The following GPC5 variants were observed in gnomAD, a reference collection of about 807,000 sequenced individuals.
GPC5 encodes the protein glypican 5, also known as glypican-5.
In GPC5, 47 loss-of-function variants were observed where a neutral mutation model predicts 53.9. The observed-to-expected ratio is 0.87, with a 90% CI of 0.69 to 1.11. The LOEUF is 1.11. GPC5 is among the 50% of genes most tolerant of loss of function. The pLI is 0.00. For synonymous variants in GPC5, 286 were observed against 263.3 expected (o/e 1.09, Z -0.84); for missense variants, 748 against 713.1 (o/e 1.05, Z -0.56).
intron 5 of GPC5, among the ~76,000 whole-genome samples, chr13:91,814,895 G>T (rs1199958158): frequency 2.0e-5 from 3 of 152,060 alleles, no homozygotes; most frequent in Non-Finnish European, 4.4e-5. Context: ...AAACACCTAT[G>T]GTTCAGTTTC....
At chr13:92,210,491 A>G (rs1188360311) in intron 7 of GPC5, among the ~76,000 whole-genome samples, 1 of 152,174 alleles carries the variant, frequency 6.6e-6, no homozygotes, top group African/African-American at 2.4e-5. Flanking sequence ...TAACGTTATC[A>G]CTAGACTTCC....
intron 7 of GPC5, among the ~76,000 whole-genome samples, chr13:92,554,793 T>G (rs2139020677): frequency 6.6e-6 from 1 of 151,232 alleles, no homozygotes; most frequent in South Asian, 2.1e-4. Context: ...AAGATATATT[T>G]GATAACATTC....
chr13:91,885,894 T>C (rs1594640696), intron 5 of GPC5, among the ~76,000 whole-genome samples: 1 of 152,194 alleles, frequency 6.6e-6, no homozygotes, highest in East Asian at 1.9e-4. Flanking sequence ...AAGTCATATA[T>C]TTTTAAATAT....
intron 7 of GPC5, among the ~76,000 whole-genome samples, chr13:92,759,919 A>C (rs1218015119): frequency 6.6e-6 from 1 of 152,106 alleles, no homozygotes; most frequent in Non-Finnish European, 1.5e-5. Context: ...AGTTTTTATC[A>C]AGAAAGGATG....
intron 7 of GPC5, among the ~76,000 whole-genome samples, chr13:92,510,894 G>C (rs902163865): frequency 1.4e-4 from 21 of 152,348 alleles, no homozygotes; most frequent in Admixed American, 1.4e-3. Context: ...CTTGTCTGAG[G>C]CTCAGTTCAC....
intron 3 of GPC5, among the ~76,000 whole-genome samples, chr13:91,721,908 T>G (rs567490146): frequency 1.3e-5 from 2 of 152,292 alleles, no homozygotes; most frequent in African/African-American, 4.8e-5. Context: ...CTAAATAACA[T>G]TCATCAAGAC....
chr13:92,527,230 AAAG>A (rs1881374482), intron 7 of GPC5, among the ~76,000 whole-genome samples: 2 of 40,004 alleles, frequency 5.0e-5, no homozygotes, highest in Non-Finnish European at 8.3e-5. Flanking sequence ...AGAAAGAAAG[AAAG>A]AAAGAAAGAA....
chr13:91,801,566 TG>T (rs905294110), intron 5 of GPC5, among the ~76,000 whole-genome samples: 6 of 152,188 alleles, frequency 3.9e-5, no homozygotes, highest in Non-Finnish European at 1.5e-5. Flanking sequence ...ATCAAATTGA[TG>T]GTCCACCAAC....
chr13:91,585,533 A>C (rs1186254435), intron 2 of GPC5, among the ~76,000 whole-genome samples: 1 of 152,214 alleles, frequency 6.6e-6, no homozygotes, highest in Non-Finnish European at 1.5e-5. Context: ...AAAAGGAATG[A>C]GGTATACTGT....
chr13:92,638,538 A>T (rs1362019765), intron 7 of GPC5, among the ~76,000 whole-genome samples: 1 of 149,060 alleles, frequency 6.7e-6, no homozygotes, highest in Non-Finnish European at 1.5e-5. Context: ...CCCCATCCCA[A>T]GTCAGCTTCC....
intron 6 of GPC5, among the ~76,000 whole-genome samples, chr13:91,978,033 G>A (rs1297312246): frequency 2.0e-5 from 3 of 152,008 alleles, no homozygotes; most frequent in Non-Finnish European, 4.4e-5. Flanking sequence ...TACACTTGTA[G>A]TCCCAGCTAC....
intron 2 of GPC5, among the ~76,000 whole-genome samples, chr13:91,517,096 AT>A (rs1885546326): frequency 6.6e-6 from 1 of 152,030 alleles, no homozygotes; most frequent in South Asian, 2.1e-4. Context: ...GCCTGGAGAC[AT>A]TTTCCCCATG....
intron 2 of GPC5, among the ~76,000 whole-genome samples, chr13:91,497,501 C>T (rs2139279988): frequency 6.6e-6 from 1 of 152,290 alleles, no homozygotes; most frequent in Middle Eastern, 3.4e-3. Flanking sequence ...CTTCATGCCT[C>T]CCAAGTCACT....
intron 7 of GPC5, among the ~76,000 whole-genome samples, chr13:92,781,471 T>A (rs1370822530): frequency 1.3e-5 from 2 of 152,144 alleles, no homozygotes; most frequent in East Asian, 3.9e-4. Context: ...GAAAATAGTA[T>A]AATTTCAAAT....
intron 7 of GPC5, among the ~76,000 whole-genome samples, chr13:92,303,050 C>T (rs1246909231): frequency 6.6e-6 from 1 of 152,116 alleles, no homozygotes; most frequent in Non-Finnish European, 1.5e-5. Flanking sequence ...GTAACTAACT[C>T]CTCTATTTTC....
At chr13:92,325,839 C>T (rs935347607) in intron 7 of GPC5, among the ~76,000 whole-genome samples, 4 of 151,914 alleles carry the variant, frequency 2.6e-5, no homozygotes, top group African/African-American at 9.7e-5. Flanking sequence ...TTCCTATGAA[C>T]GAGGCATGGC....
chr13:92,757,222 G>T (rs1264324075), intron 7 of GPC5, among the ~76,000 whole-genome samples: 1 of 152,192 alleles, frequency 6.6e-6, no homozygotes, highest in African/African-American at 2.4e-5. Context: ...ACAAAAACAA[G>T]AAATGGGGAA....
chr13:92,787,335 A>G (rs937381282), intron 7 of GPC5, among the ~76,000 whole-genome samples: 4 of 152,160 alleles, frequency 2.6e-5, no homozygotes, highest in Non-Finnish European at 5.9e-5. Context: ...AAAGAATACT[A>G]TATTATGAAA....
intron 6 of GPC5, among the ~76,000 whole-genome samples, chr13:92,133,678 T>C (rs2138965423): frequency 6.6e-6 from 1 of 152,250 alleles, no homozygotes; most frequent in East Asian, 1.9e-4. Context: ...GACATCAGTC[T>C]CATGGAGATA....
Sources: allele counts gnomAD v4.1 joint callset (sites outside exome capture counted in the v4.1 genomes callset), GRCh38; gene constraint gnomAD v4.1.1; transcripts MANE v1.5; gene names NCBI Gene and HGNC (gene_info 2026-07-23, HGNC 2026-07-21).